PTPRM: variants seen among roughly 807,000 people sequenced by gnomAD.
PTPRM encodes the protein protein tyrosine phosphatase receptor type M.
A neutral mutation model predicts 186.7 loss-of-function variants in PTPRM; 47 were observed. The ratio of observed to expected loss-of-function variants is 0.25; its 90% CI spans 0.20 to 0.32. The LOEUF is 0.32. PTPRM is among the 10% of genes least tolerant of loss of function. The pLI is 1.00. For synonymous variants in PTPRM, 668 were observed against 674.9 expected (o/e 0.99, Z 0.16); for missense variants, 1,494 against 1,865.0 (o/e 0.80, Z 3.66).
intron 1 of PTPRM, among the ~76,000 whole-genome samples, chr18:7,710,979 C>T (rs2040199652): frequency 6.6e-6 from 1 of 152,118 alleles, no homozygotes; most frequent in South Asian, 2.1e-4. Context: ...CTGCCAAAAG[C>T]AAGCTACAGA....
intron 7 of PTPRM, among the ~76,000 whole-genome samples, chr18:8,014,829 TA>T (rs1179324311): frequency 1.3e-5 from 2 of 152,184 alleles, no homozygotes; most frequent in Non-Finnish European, 2.9e-5. Context: ...TTATCCTTTG[TA>T]ATAGCTCATT....
At chr18:7,758,438 A>G (rs1274682682) in intron 1 of PTPRM, among the ~76,000 whole-genome samples, 1 of 152,224 alleles carries the variant, frequency 6.6e-6, no homozygotes, top group Non-Finnish European at 1.5e-5. Flanking sequence ...ACATTAGGGA[A>G]GTGAAGGCTT....
In PTPRM at chr18:7,607,884, C is replaced by T. The variant is rs966730410; in HGVS notation, c.73+39993C>T. On this transcript the variant is annotated intron_variant, in intron 1 of 32. Coordinates refer to ENST00000580170, the MANE Select transcript of PTPRM (RefSeq NM_001105244.2). ...TGCCCCGCTGTCTGATATTTAATCCCGAATGGTGTAGGGGGTGAAGAGAGT... is the reference window on the plus strand; with the variant it reads ...TGCCCCGCTGTCTGATATTTAATCCTGAATGGTGTAGGGGGTGAAGAGAGT... Among the ~76,000 whole-genome samples the T allele has an allele frequency of 7.9e-5, 12 of 152,308 alleles. No homozygotes were observed. The South Asian group carries it at 8.3e-4, about 11-fold the overall frequency.
intron 17 of PTPRM, among the ~76,000 whole-genome samples, chr18:8,252,092 T>C (rs926086110): frequency 6.6e-6 from 1 of 152,218 alleles, no homozygotes; most frequent in African/African-American, 2.4e-5. Context: ...CTAGTAGGCC[T>C]CCATTAAAAT....
Position 8,257,586 on chromosome 18 carries a change from A to G in PTPRM, c.2754+4172A>G, listed in dbSNP as rs141991695. ...TAAAAGTTCCTGTTGTTCTATCTCT[A>G]TTCAAAAATGCCGTGGAATGCTTGG... On this transcript the variant is annotated intron_variant, in intron 19 of 32. Transcript: ENST00000580170. 1.1e-3 allele frequency among the ~76,000 whole-genome samples: 167 copies of G among 152,332 alleles called. 1 individual carries two copies. Among genetic ancestry groups the G allele is most frequent in the African/African-American group, 3.9e-3 (164 of 41,562 alleles).
At chr18:8,269,214 CAAAAT>C (rs1213588302) in intron 19 of PTPRM, among the ~76,000 whole-genome samples, 9 of 151,836 alleles carry the variant, frequency 5.9e-5, no homozygotes, top group Non-Finnish European at 1.2e-4. Context: ...ATCAGTAAAA[CAAAAT>C]AAACATACAA....
intron 2 of PTPRM, among the ~76,000 whole-genome samples, chr18:7,795,005 G>A (rs1378125768): frequency 6.6e-6 from 1 of 152,138 alleles, no homozygotes; most frequent in Non-Finnish European, 1.5e-5. Flanking sequence ...TTACAAAAGC[G>A]AAGCTCACAT....
intron 14 of PTPRM, among the ~76,000 whole-genome samples, chr18:8,179,897 A>AAG (rs1435308952): frequency 3.9e-5 from 6 of 152,200 alleles, no homozygotes; most frequent in African/African-American, 1.4e-4. Flanking sequence ...TTACCTTTAT[A>AAG]ACCTTTGAAT....
At chr18:7,795,810 CTTT>C (rs397741769) in intron 2 of PTPRM, among the ~76,000 whole-genome samples, 1 of 117,758 alleles carries the variant, frequency 8.5e-6, no homozygotes. Flanking sequence ...TTCTTTCTTT[CTTT>C]TTTTTTTTTT....
At chr18:7,928,401 C>T (rs1350735111) in intron 5 of PTPRM, among the ~76,000 whole-genome samples, 3 of 152,152 alleles carry the variant, frequency 2.0e-5, no homozygotes, top group South Asian at 2.1e-4. Flanking sequence ...TTTTAACCTA[C>T]ATCCCAATTG....
intron 1 of PTPRM, among the ~76,000 whole-genome samples, chr18:7,641,523 T>C (rs1056981725): frequency 6.6e-6 from 1 of 152,200 alleles, no homozygotes; most frequent in African/African-American, 2.4e-5. Flanking sequence ...AACACAAATG[T>C]GTGTACCTTA....
At chr18:8,306,400 A>C (rs1273771298) in intron 20 of PTPRM, among the ~76,000 whole-genome samples, 1 of 152,198 alleles carries the variant, frequency 6.6e-6, no homozygotes, top group African/African-American at 2.4e-5. Flanking sequence ...CTTGGACACC[A>C]AAGCCCCTGT....
intron 19 of PTPRM, among the ~76,000 whole-genome samples, chr18:8,265,097 G>T (rs1363712201): frequency 6.6e-6 from 1 of 152,180 alleles, no homozygotes; most frequent in Non-Finnish European, 1.5e-5. Flanking sequence ...CTCTGCTGTT[G>T]TGTTTGCTTT....
intron 2 of PTPRM, among the ~76,000 whole-genome samples, chr18:7,783,663 G>A (rs1234344197): frequency 6.6e-6 from 1 of 151,900 alleles, no homozygotes; most frequent in Non-Finnish European, 1.5e-5. Context: ...CATCAAACTT[G>A]TGGGCTCAAG....
In PTPRM at chr18:8,085,246, G is replaced by A. The variant is rs533009982; in HGVS notation, c.1552-425G>A. The stretch of plus-strand genomic sequence containing the variant: ...TTGATGAAAACACTTCAGTGCCCTC[G>A]TTCCCAATAGGTAATGATCCTAAGT... On this transcript the variant is annotated intron_variant, in intron 9 of 32. Transcript: ENST00000580170. Among the ~76,000 whole-genome samples the A allele has an allele frequency of 1.5e-3, 229 of 152,012 alleles. 1 individual carries two copies. Among genetic ancestry groups the A allele is most frequent in the African/African-American group, 5.3e-3 (219 of 41,496 alleles).
At chr18:8,241,790 G>A (rs1264034254) in intron 14 of PTPRM, among the ~76,000 whole-genome samples, 1 of 152,224 alleles carries the variant, frequency 6.6e-6, no homozygotes, top group East Asian at 1.9e-4. Context: ...AAGGCTTGCA[G>A]AAGACATTGA....
rs1179931224 is a variant in PTPRM, at chr18:7,568,131, G to T, written c.73+240G>T. The stretch of plus-strand genomic sequence containing the variant: ...GACCCCGAGGGCGAGCTCCCCAGCC[G>T]GGACTGCCAGCTCGGCCGCCGTCCT... On this transcript the variant is annotated intron_variant, in intron 1 of 32. Transcript: ENST00000580170. This position sits in a 1 kb window ranked among gnomAD's most constrained non-coding sequence, Gnocchi z 5.1. 1.3e-5 allele frequency among the ~76,000 whole-genome samples: 2 copies of T among 151,914 alleles called. No individual in the cohort carries two copies. The highest frequency in any genetic ancestry group is 4.8e-5 in the African/African-American group (2 of 41,430).
At chr18:7,799,016 A>G (rs1215348957) in intron 2 of PTPRM, among the ~76,000 whole-genome samples, 1 of 152,104 alleles carries the variant, frequency 6.6e-6, no homozygotes, top group Non-Finnish European at 1.5e-5. Context: ...GTCCCTTTTC[A>G]TGTTAAGAGT....
chr18:7,976,749 C>T (rs1326246266), intron 7 of PTPRM, among the ~76,000 whole-genome samples: 1 of 152,082 alleles, frequency 6.6e-6, no homozygotes, highest in East Asian at 1.9e-4. Flanking sequence ...AAAATGAATG[C>T]GGAGTAAGCA....
Sources: gnomAD v4.1 joint callset for allele counts (sites outside exome capture counted in the v4.1 genomes callset) on GRCh38, gnomAD v4.1.1 for gene constraint, Gnocchi (gnomAD v3.1) non-coding constraint, MANE v1.5 for transcripts, NCBI Gene and HGNC (gene_info 2026-07-23, HGNC 2026-07-21) for gene names.